The following NEMP2 variants were observed in gnomAD, a reference collection of about 807,000 sequenced individuals.
NEMP2 encodes the protein nuclear envelope integral membrane protein 2.
A neutral mutation model predicts 54.2 loss-of-function variants in NEMP2; 53 were observed. That is an observed-to-expected ratio of 0.98 (90% confidence interval 0.78 to 1.23). NEMP2 has a LOEUF of 1.23. Ranked by LOEUF, NEMP2 falls within the 50% of genes most tolerant of loss-of-function variation. The pLI is 0.00. For synonymous variants in NEMP2, 197 were observed against 190.3 expected, an observed-to-expected ratio of 1.04 and a Z score of -0.29; for missense variants, 455 against 511.3, an observed-to-expected ratio of 0.89 and a Z score of 1.06.
At position 190,513,936 on chromosome 2, in the gene NEMP2, TAAC is replaced by T. The variant is rs1397486022; in HGVS notation, c.953+514_953+516del. ...CAGACTCAATGACTGAGGAGAAACA[TAAC>T]AAAGCTGTCACAATAGAGGTTACTT... is the stretch of plus-strand genomic sequence containing the variant. On this transcript the variant is annotated intron_variant, in intron 7 of 8. Transcript: ENST00000409150. This position sits in a 1 kb window ranked among gnomAD's most constrained non-coding sequence, Gnocchi z 5.3. 1.3e-5 allele frequency among the ~76,000 whole-genome samples: 2 copies of T among 152,222 alleles called. No individual in the cohort carries two copies. The highest frequency in any genetic ancestry group is 3.9e-4 in the East Asian group (2 of 5,186).
the NEMP2 span, among the ~76,000 whole-genome samples, chr2:190,468,232 T>G: frequency 2.0e-5 from 3 of 152,282 alleles, no homozygotes; most frequent in Non-Finnish European, 2.9e-5. Context: ...ATAATGTCCA[T>G]AGAACAAGAT....
At chr2:190,446,718 T>G in the NEMP2 span, among the ~76,000 whole-genome samples, 1 of 152,178 alleles carries the variant, frequency 6.6e-6, no homozygotes, top group East Asian at 1.9e-4. Flanking sequence ...TTTATGGATG[T>G]TCGTTCTGGG....
chr2:190,493,066 C>G, the NEMP2 span, among the ~76,000 whole-genome samples: 7 of 151,982 alleles, frequency 4.6e-5, no homozygotes, highest in Admixed American at 3.9e-4. Context: ...CCTAAATGCT[C>G]CACTTAAAAG....
At chr2:190,566,723 AAAG>A in the NEMP2 span, among the ~76,000 whole-genome samples, 12,392 of 148,446 alleles carry the variant, frequency 0.083, 629 homozygotes, top group African/African-American at 0.11. Flanking sequence ...GAAAAGAAAG[AAAG>A]AAGGAAAGAA....
the NEMP2 span, among the ~76,000 whole-genome samples, chr2:190,577,679 C>T: frequency 2.6e-5 from 4 of 152,076 alleles, no homozygotes; most frequent in South Asian, 2.1e-4. The surrounding 1 kb of genome is among the most constrained non-coding windows in gnomAD (Gnocchi z 4.8). Flanking sequence ...AGTTCAAGAC[C>T]GGCCTGGCCA....
chr2:190,443,662 A>C, the NEMP2 span, among the ~76,000 whole-genome samples: 1 of 152,196 alleles, frequency 6.6e-6, no homozygotes, highest in Non-Finnish European at 1.5e-5. This position sits in a 1 kb window ranked among gnomAD's most constrained non-coding sequence, Gnocchi z 4.2. Context: ...ATGACCATAG[A>C]TTTTCAAATG....
downstream of NEMP2, chr2:190,500,200 G>T (rs375901596): frequency 1.2e-6 from 2 of 1,614,028 alleles, no homozygotes; most frequent in African/African-American, 2.7e-5. The surrounding 1 kb of genome is among the most constrained non-coding windows in gnomAD (Gnocchi z 5.3). Flanking sequence ...AGGCTCAGCT[G>T]GCCGCGGGAG....
intron 7 of NEMP2, among the ~76,000 whole-genome samples, chr2:190,511,846 G>T (rs545057796): frequency 6.6e-6 from 1 of 151,524 alleles, no homozygotes; most frequent in Admixed American, 6.6e-5. Flanking sequence ...GAGCCACTGC[G>T]CCCGGCCTAA....
chr2:190,500,785 A>G (rs1689988113), downstream of NEMP2: 1 of 152,906 alleles, frequency 6.5e-6, no homozygotes, highest in East Asian at 1.9e-4. This position sits in a 1 kb window ranked among gnomAD's most constrained non-coding sequence, Gnocchi z 5.3. Flanking sequence ...AATGAAGTTA[A>G]AAGTTTCATC....
Position 190,510,286 on chromosome 2 carries a change from C to A in NEMP2, c.1130+75G>T. On this transcript the variant is annotated intron_variant, in intron 8 of 8. Transcript: ENST00000409150. This position sits in a 1 kb window ranked among gnomAD's most constrained non-coding sequence, Gnocchi z 5.7. ...ACAGTCTATTTCTACCCTGAAGTGCCTGTACCAAACCATCATATTATTTTT... is the reference window on the plus strand; with the variant it reads ...ACAGTCTATTTCTACCCTGAAGTGCATGTACCAAACCATCATATTATTTTT... 6.6e-7 allele frequency: 1 copy of A among 1,506,826 alleles called. No individual in the cohort carries two copies. The highest frequency in any genetic ancestry group is 1.2e-5 in the South Asian group (1 of 80,340). 93.3% of individuals were successfully genotyped at this position (1,506,826 alleles called of 1,614,324 possible).
At chr2:190,500,272 A>T, downstream of NEMP2, 1 of 1,594,612 alleles carries the variant, frequency 6.3e-7, no homozygotes, top group African/African-American at 1.3e-5. The surrounding 1 kb of genome is among the most constrained non-coding windows in gnomAD (Gnocchi z 5.3). Context: ...CAGCCAGGAC[A>T]CAGGGTGAGG....
intron 1 of NEMP2, among the ~76,000 whole-genome samples, chr2:190,526,679 G>A (rs767354205): frequency 9.0e-4 from 137 of 152,192 alleles, no homozygotes; most frequent in Non-Finnish European, 1.0e-4. Context: ...GAGATAGTGA[G>A]GCCCTTTACT....
the NEMP2 span, among the ~76,000 whole-genome samples, chr2:190,469,308 T>G: frequency 6.6e-6 from 1 of 152,146 alleles, no homozygotes; most frequent in Non-Finnish European, 1.5e-5. This position sits in a 1 kb window ranked among gnomAD's most constrained non-coding sequence, Gnocchi z 5.3. Flanking sequence ...CACATTCGTG[T>G]TTACATATTC....
At chr2:190,534,138 G>A (rs893683497) in intron 1 of NEMP2, 1 of 994,322 alleles carries the variant, frequency 1.0e-6, no homozygotes, top group Non-Finnish European at 1.2e-6. Flanking sequence ...AAAGGAATGC[G>A]AGATAGTGAA....
the NEMP2 span, chr2:190,489,766 A>G: frequency 6.2e-7 from 1 of 1,613,504 alleles, no homozygotes; most frequent in African/African-American, 1.3e-5. This position sits in a 1 kb window ranked among gnomAD's most constrained non-coding sequence, Gnocchi z 6.6. Flanking sequence ...TTGTTTTTAT[A>G]GGGGCTGCTG....
chr2:190,497,639 T>A, the NEMP2 span: 1 of 1,614,164 alleles, frequency 6.2e-7, no homozygotes, highest in Non-Finnish European at 8.5e-7. The surrounding 1 kb of genome is among the most constrained non-coding windows in gnomAD (Gnocchi z 5.2). Context: ...CTGGGTGACC[T>A]TTGTCTATGC....
chr2:190,429,860 A>G, the NEMP2 span, among the ~76,000 whole-genome samples: 1 of 149,602 alleles, frequency 6.7e-6, no homozygotes, highest in Non-Finnish European at 1.5e-5. Flanking sequence ...TTTTTTCTTT[A>G]TTATACTTTA....
chr2:190,449,952 C>A, the NEMP2 span, among the ~76,000 whole-genome samples: 1 of 151,932 alleles, frequency 6.6e-6, no homozygotes, highest in East Asian at 1.9e-4. Context: ...CAGCATGGCA[C>A]ATGTATACAT....
chr2:190,429,553 C>G, the NEMP2 span, among the ~76,000 whole-genome samples: 3 of 152,012 alleles, frequency 2.0e-5, no homozygotes, highest in Non-Finnish European at 4.4e-5. Flanking sequence ...GTTTCGAACT[C>G]TTGATCTCAG....
Sources: gnomAD v4.1 joint callset for allele counts (sites outside exome capture counted in the v4.1 genomes callset) on GRCh38, gnomAD v4.1.1 for gene constraint, Gnocchi (gnomAD v3.1) non-coding constraint, MANE v1.5 for transcripts, NCBI Gene and HGNC (gene_info 2026-07-23, HGNC 2026-07-21) for gene names.